The following CDH23 variants were observed in gnomAD, a reference collection of about 807,000 sequenced individuals.
CDH23 encodes the protein cadherin-23.
CDH23 carries 189 observed loss-of-function variants against 317.1 expected under a neutral mutation model. The ratio of observed to expected loss-of-function variants is 0.60; its 90% confidence interval spans 0.53 to 0.67. The LOEUF (loss-of-function observed/expected upper bound fraction) is 0.67. CDH23 is among the 30% of genes least tolerant of loss of function. CDH23 has a pLI of 0.00. For synonymous variants in CDH23, 1,839 were observed against 1,876.8 expected, an observed-to-expected ratio of 0.98 and a Z score of 0.52; for missense variants, 4,401 against 4,592.4, an observed-to-expected ratio of 0.96 and a Z score of 1.20.
chr10:71,453,232 G>T (rs758482577), intron 3 of CDH23, among the ~76,000 whole-genome samples: 6 of 152,204 alleles, frequency 3.9e-5, no homozygotes, highest in Non-Finnish European at 5.9e-5. Flanking sequence ...AGGATGGATT[G>T]GTCCCAGGCA....
Position 71,431,067 on chromosome 10 carries a change from G to A in CDH23, c.-5-8760G>A, listed in dbSNP as rs574351969. ...GAACTTCTGGAATGAGACCTTGAGC[G>A]TTGCCTCTGGGAAGGAGTTGTGGGA... On this transcript the variant is annotated intron_variant, in intron 1 of 69. Coordinates refer to ENST00000224721, the MANE Select transcript of CDH23 (RefSeq NM_022124.6). 2.6e-5 allele frequency among the ~76,000 whole-genome samples: 4 copies of A among 152,224 alleles called. No homozygotes were observed. In the South Asian group the frequency reaches 6.2e-4, roughly 24 times the overall value.
intron 8 of CDH23, among the ~76,000 whole-genome samples, chr10:71,574,307 A>G (rs1247668598): frequency 1.3e-5 from 2 of 152,130 alleles, no homozygotes; most frequent in African/African-American, 4.8e-5. Flanking sequence ...ATTGCATCAG[A>G]TTTTAATTTC....
intron 3 of CDH23, among the ~76,000 whole-genome samples, chr10:71,477,819 A>T (rs980705476): frequency 8.5e-5 from 13 of 152,120 alleles, no homozygotes; most frequent in Non-Finnish European, 1.8e-4. Context: ...AATGTCGCTC[A>T]CACTGCCTGT....
intron 38 of CDH23, among the ~76,000 whole-genome samples, chr10:71,758,239 C>T (rs1354942243): frequency 1.3e-5 from 2 of 152,158 alleles, no homozygotes; most frequent in African/African-American, 2.4e-5. Context: ...GTCACTGTAG[C>T]CTTTGAGTTG....
intron 53 of CDH23, among the ~76,000 whole-genome samples, chr10:71,802,618 G>C (rs1564801582): frequency 1.3e-5 from 2 of 152,186 alleles, no homozygotes; most frequent in Non-Finnish European, 2.9e-5. Context: ...TCTGCTTCAG[G>C]GCCCAGGTGC....
intron 3 of CDH23, among the ~76,000 whole-genome samples, chr10:71,453,262 G>T (rs1850535019): frequency 6.6e-6 from 1 of 152,266 alleles, no homozygotes; most frequent in African/African-American, 2.4e-5. Context: ...ACTGCTGCCA[G>T]TCGGTGCTGA....
At chr10:71,735,790 G>A (rs1285805780) in intron 34 of CDH23, among the ~76,000 whole-genome samples, 2 of 152,216 alleles carry the variant, frequency 1.3e-5, no homozygotes, top group Non-Finnish European at 2.9e-5. Context: ...CTCCATCCGT[G>A]GGGCCAGCCT....
At chr10:71,704,833 G>A (rs913155617) in intron 24 of CDH23, 78 bp from the exon 25 acceptor site, 43 of 1,141,934 alleles carry the variant, frequency 3.8e-5, no homozygotes, top group Non-Finnish European at 5.2e-5. Context: ...TTGGCAGGGA[G>A]GAGGAGCACT....
At chr10:71,637,153 A>G (rs529266472) in intron 11 of CDH23, among the ~76,000 whole-genome samples, 8 of 152,326 alleles carry the variant, frequency 5.3e-5, no homozygotes, top group African/African-American at 7.2e-5. Context: ...AGAAGGATAA[A>G]GAATATGTAT....
intron 6 of CDH23, among the ~76,000 whole-genome samples, chr10:71,564,898 T>C (rs1488112456): frequency 6.6e-6 from 1 of 152,272 alleles, no homozygotes. Flanking sequence ...AAAAGCAAGC[T>C]TCAGAGTGAT....
Position 71,759,866 on chromosome 10 carries a change from T to C in CDH23, c.4846-17814T>C, listed in dbSNP as rs868754194. 1.1e-3 allele frequency among the ~76,000 whole-genome samples: 90 copies of C among 83,510 alleles called. 6 individuals are homozygous for C. The highest frequency in any genetic ancestry group is 1.8e-3 in the South Asian group (4 of 2,210). The allele number at this position is 83,510 out of a possible 152,430, so 54.8% of individuals were successfully genotyped here. On this transcript the variant is annotated intron_variant, in intron 38 of 69. Transcript: ENST00000224721. ...ACACACATATACACACACACACACA[T>C]ATATATACACACACACACATATACA...
chr10:71,626,603 G>C (rs1005222915), intron 11 of CDH23, among the ~76,000 whole-genome samples: 1 of 152,216 alleles, frequency 6.6e-6, no homozygotes, highest in African/African-American at 2.4e-5. Flanking sequence ...ACCTGCTGGT[G>C]TGACCTAGGG....
At chr10:71,629,178 A>G (rs1187252557) in intron 11 of CDH23, among the ~76,000 whole-genome samples, 1 of 152,258 alleles carries the variant, frequency 6.6e-6, no homozygotes, top group Non-Finnish European at 1.5e-5. Flanking sequence ...ATCGATTCAC[A>G]AAGTTCAGCC....
chr10:71,461,221 G>A (rs1367170166), intron 3 of CDH23, among the ~76,000 whole-genome samples: 1 of 152,234 alleles, frequency 6.6e-6, no homozygotes, highest in Non-Finnish European at 1.5e-5. Flanking sequence ...TTTGGAGGCC[G>A]AGCCCATGTC....
At chr10:71,791,030 G>A in intron 46 of CDH23, 102 bp from the exon 47 acceptor site, 2 of 871,518 alleles carry the variant, frequency 2.3e-6, no homozygotes, top group Non-Finnish European at 3.6e-6. Flanking sequence ...CTGTCCCATG[G>A]TGCCCCTGTC....
At chr10:71,400,047 G>A (rs1847709625) in intron 1 of CDH23, among the ~76,000 whole-genome samples, 1 of 152,208 alleles carries the variant, frequency 6.6e-6, no homozygotes, top group South Asian at 2.1e-4. Context: ...ACAGCCTCCA[G>A]AGGGGAAGAT....
At chr10:71,757,409 G>A (rs1436523160) in intron 38 of CDH23, among the ~76,000 whole-genome samples, 1 of 152,220 alleles carries the variant, frequency 6.6e-6, no homozygotes, top group Admixed American at 6.5e-5. Context: ...AGTTGAGGCT[G>A]GGGCAGAGGG....
chr10:71,646,730 A>G (rs1215765008), intron 14 of CDH23, 113 bp downstream of exon 14: 3 of 1,610,882 alleles, frequency 1.9e-6, no homozygotes, highest in Non-Finnish European at 2.5e-6. Flanking sequence ...AGGCACCCCC[A>G]AATCCCTGAG....
chr10:71,618,654 G>A (rs754726), intron 11 of CDH23, among the ~76,000 whole-genome samples: 27,768 of 152,062 alleles, frequency 0.18, 4,083 homozygotes, highest in East Asian at 0.53. Flanking sequence ...CCGTCCTCGG[G>A]AGAGCCCTCT....
Sources: allele counts gnomAD v4.1 joint callset (sites outside exome capture counted in the v4.1 genomes callset), GRCh38; gene constraint gnomAD v4.1.1; transcripts MANE v1.5; gene names NCBI Gene and HGNC (gene_info 2026-07-23, HGNC 2026-07-21).